Variants in FANCC observed in about 807,000 individuals in gnomAD.
FANCC encodes Fanconi anemia group C protein.
In FANCC, 55 loss-of-function variants were observed where a neutral mutation model predicts 71.3. The ratio of observed to expected loss-of-function variants is 0.77; its 90% CI spans 0.62 to 0.97. The LOEUF is 0.97. Ranked by LOEUF, FANCC falls within the 50% of genes least tolerant of loss-of-function variation. The probability of loss-of-function intolerance (pLI) is 0.00; values close to 1 mark genes in which losing one functional copy is unlikely to be tolerated. For missense variants in FANCC, 678 were observed against 670.9 expected, an observed-to-expected ratio of 1.01 and a Z score of -0.12; for synonymous variants, 275 against 244.9, an observed-to-expected ratio of 1.12 and a Z score of -1.15.
intron 7 of FANCC, among the ~76,000 whole-genome samples, chr9:95,139,952 A>G (rs1384164834): frequency 1.3e-5 from 2 of 151,550 alleles, no homozygotes; most frequent in African/African-American, 2.4e-5. Context: ...ATTCTGTTCA[A>G]TACGTTAGTG....
intron 1 of FANCC, among the ~76,000 whole-genome samples, chr9:95,257,049 G>T (rs1383859258): frequency 1.3e-5 from 2 of 152,030 alleles, no homozygotes; most frequent in African/African-American, 2.4e-5. Flanking sequence ...GTTCTTAGAG[G>T]CCTACAAAGA....
intron 1 of FANCC, among the ~76,000 whole-genome samples, chr9:95,284,852 C>T (rs1306233791): frequency 1.4e-5 from 2 of 139,510 alleles, no homozygotes; most frequent in Non-Finnish European, 3.0e-5. Context: ...CTCTAAGACT[C>T]CTCTCTCTCA....
chr9:95,184,938 C>T (rs563977044), intron 4 of FANCC, among the ~76,000 whole-genome samples: 1 of 152,286 alleles, frequency 6.6e-6, no homozygotes, highest in Admixed American at 6.5e-5. Flanking sequence ...CTATTCTGTG[C>T]CTGTTAGTCT....
chr9:95,183,329 G>T (rs548274580), intron 4 of FANCC, among the ~76,000 whole-genome samples: 13 of 152,104 alleles, frequency 8.5e-5, no homozygotes, highest in African/African-American at 2.7e-4. Flanking sequence ...TCTGTCCACC[G>T]TTAGCATGCA....
At chr9:95,240,963 C>T (rs1830596047) in intron 3 of FANCC, among the ~76,000 whole-genome samples, 1 of 152,220 alleles carries the variant, frequency 6.6e-6, no homozygotes, top group Admixed American at 6.5e-5. Context: ...AGCTGTCCTT[C>T]AGAATTCCCT....
intron 10 of FANCC, among the ~76,000 whole-genome samples, chr9:95,122,764 C>T (rs2072987793): frequency 6.6e-6 from 1 of 152,214 alleles, no homozygotes; most frequent in Non-Finnish European, 1.5e-5. Flanking sequence ...CTGCTCCAAC[C>T]CAGGTGTGCT....
chr9:95,207,441 G>T (rs1273934061), intron 4 of FANCC, among the ~76,000 whole-genome samples: 1 of 152,168 alleles, frequency 6.6e-6, no homozygotes, highest in Non-Finnish European at 1.5e-5. Context: ...AGTCCTTGAA[G>T]ATTATTTGCA....
At chr9:95,152,493 G>A (rs568166076) in intron 6 of FANCC, among the ~76,000 whole-genome samples, 3 of 152,280 alleles carry the variant, frequency 2.0e-5, no homozygotes, top group South Asian at 2.1e-4. Flanking sequence ...GGGGACCAAC[G>A]TGGCCACACC....
intron 7 of FANCC, among the ~76,000 whole-genome samples, chr9:95,141,690 T>C (rs573793652): frequency 6.6e-5 from 10 of 152,190 alleles, no homozygotes; most frequent in Non-Finnish European, 1.2e-4. Flanking sequence ...GGCTCCTTTT[T>C]TGGGGTAACT....
chr9:95,293,685 T>C, intron 1 of FANCC: 3 of 1,614,004 alleles, frequency 1.9e-6, no homozygotes, highest in Non-Finnish European at 2.5e-6. Flanking sequence ...GTTGTTTGAT[T>C]CTCAAGTGTC....
chr9:95,256,503 C>T (rs1831666458), intron 1 of FANCC, among the ~76,000 whole-genome samples: 2 of 152,092 alleles, frequency 1.3e-5, no homozygotes, highest in East Asian at 1.9e-4. Flanking sequence ...ATTCTGTCAC[C>T]ACCAGGCCTG....
In FANCC at chr9:95,110,577, A is replaced by C. The variant is rs149209934; in HGVS notation, c.1329+886T>G. ...TATCACCAAATTTCAACTTTTTAAA[A>C]TCTAAAACTATTTTTCTTTCCTATG... On this transcript the variant is annotated intron_variant, in intron 13 of 14. Transcript: ENST00000289081. 195 of 1,034,600 alleles carry C rather than the reference A, an allele frequency of 1.9e-4. 2 individuals are homozygous for C. In the African/African-American group the frequency reaches 3.2e-3, roughly 17 times the overall value. The allele number at this position is 1,034,600 out of a possible 1,614,324, so 64.1% of individuals were successfully genotyped here.
intron 4 of FANCC, among the ~76,000 whole-genome samples, chr9:95,204,065 G>T (rs1476003039): frequency 1.3e-5 from 2 of 152,162 alleles, no homozygotes; most frequent in Non-Finnish European, 2.9e-5. Flanking sequence ...AATATCCCCA[G>T]GAGCAAAGAA....
intron 1 of FANCC, among the ~76,000 whole-genome samples, chr9:95,269,641 C>A (rs572818753): frequency 1.3e-5 from 2 of 152,172 alleles, no homozygotes; most frequent in East Asian, 3.9e-4. Context: ...TACATGAAGC[C>A]CCTAGGTACT....
intron 1 of FANCC, among the ~76,000 whole-genome samples, chr9:95,284,695 G>A (rs1455008264): frequency 5.9e-5 from 9 of 151,970 alleles, no homozygotes; most frequent in African/African-American, 2.2e-4. Context: ...TTAACAGTAT[G>A]GCCCAAAATA....
chr9:95,315,443 C>T (rs1291095410), intron 1 of FANCC, among the ~76,000 whole-genome samples: 1 of 152,224 alleles, frequency 6.6e-6, no homozygotes, highest in East Asian at 1.9e-4. Context: ...ACGCTGGACT[C>T]GAACTCCTGG....
chr9:95,305,801 A>C (rs1663485106), intron 1 of FANCC, among the ~76,000 whole-genome samples: 1 of 152,202 alleles, frequency 6.6e-6, no homozygotes, highest in Non-Finnish European at 1.5e-5. Context: ...AGGAGTGAAA[A>C]TAAAGCTTGA....
chr9:95,195,524 C>T (rs1193049328), intron 4 of FANCC, among the ~76,000 whole-genome samples: 2 of 152,184 alleles, frequency 1.3e-5, no homozygotes, highest in Admixed American at 6.5e-5. Context: ...GCAGCTATCA[C>T]AGTAAAGACT....
At chr9:95,177,269 A>G (rs1458182074) in intron 4 of FANCC, among the ~76,000 whole-genome samples, 1 of 152,190 alleles carries the variant, frequency 6.6e-6, no homozygotes, top group Non-Finnish European at 1.5e-5. Context: ...AACCTATCTA[A>G]ACATAGAAAA....
Sources: gnomAD v4.1 joint callset for allele counts (sites outside exome capture counted in the v4.1 genomes callset) on GRCh38, gnomAD v4.1.1 for gene constraint, MANE v1.5 for transcripts, NCBI Gene and HGNC (gene_info 2026-07-23, HGNC 2026-07-21) for gene names.